Variants in RIMS2 observed in about 807,000 individuals in gnomAD.
RIMS2 encodes the protein regulating synaptic membrane exocytosis 2.
RIMS2 carries 59 observed loss-of-function variants against 174.4 expected under a neutral mutation model. The observed-to-expected ratio is 0.34, with a 90% CI of 0.27 to 0.42. The LOEUF (loss-of-function observed/expected upper bound fraction) is 0.42. Ranked by LOEUF, RIMS2 falls within the 10% of genes least tolerant of loss-of-function variation. RIMS2 has a pLI of 1.00. For synonymous variants in RIMS2, 606 were observed against 572.5 expected (o/e 1.06, Z -0.84); for missense variants, 1,620 against 1,666.3 (o/e 0.97, Z 0.48).
chr8:104,017,178 C>T (rs1256514684), intron 19 of RIMS2, among the ~76,000 whole-genome samples: 1 of 151,432 alleles, frequency 6.6e-6, no homozygotes, highest in Non-Finnish European at 1.5e-5. Context: ...TTTTAGAAAT[C>T]GCAACTTCAG....
At chr8:103,539,685 A>C (rs1388425259) in intron 1 of RIMS2, among the ~76,000 whole-genome samples, 1 of 152,194 alleles carries the variant, frequency 6.6e-6, no homozygotes, top group Non-Finnish European at 1.5e-5. Context: ...AGAGGGCTAC[A>C]CAGCTGTATA....
intron 3 of RIMS2, among the ~76,000 whole-genome samples, chr8:103,783,377 G>A (rs1329941722): frequency 5.4e-5 from 8 of 148,490 alleles, no homozygotes; most frequent in Admixed American, 2.0e-4. Flanking sequence ...CCACTAACTC[G>A]TCATCTAGCA....
chr8:103,520,189 T>G (rs1376451963), intron 1 of RIMS2, among the ~76,000 whole-genome samples: 1 of 152,140 alleles, frequency 6.6e-6, no homozygotes, highest in Non-Finnish European at 1.5e-5. Flanking sequence ...TGTGGTAAGA[T>G]GCAAATGTAA....
intron 3 of RIMS2, among the ~76,000 whole-genome samples, chr8:103,879,682 A>G (rs2099158129): frequency 6.6e-6 from 1 of 151,646 alleles, no homozygotes; most frequent in Admixed American, 6.6e-5. Context: ...GTACTACCAT[A>G]TATTCCTAGA....
At chr8:103,718,797 G>C (rs1436558359) in intron 2 of RIMS2, among the ~76,000 whole-genome samples, 2 of 151,826 alleles carry the variant, frequency 1.3e-5, no homozygotes, top group Non-Finnish European at 2.9e-5. Context: ...CCTCCCAAGT[G>C]GCTGGGATTA....
intron 9 of RIMS2, 158 bp downstream of exon 12, chr8:103,918,645 C>A: frequency 5.1e-6 from 3 of 593,552 alleles, no homozygotes; most frequent in Non-Finnish European, 9.1e-6. Context: ...TATTTCATGT[C>A]ACTGTGGGAA....
chr8:103,759,919 C>G (rs1325687823), intron 2 of RIMS2, among the ~76,000 whole-genome samples: 1 of 152,092 alleles, frequency 6.6e-6, no homozygotes, highest in African/African-American at 2.4e-5. Context: ...CACAGAACAC[C>G]TGAATACTTT....
intron 14 of RIMS2, among the ~76,000 whole-genome samples, chr8:103,944,828 G>A (rs753921660): frequency 2.0e-5 from 3 of 151,942 alleles, no homozygotes; most frequent in Non-Finnish European, 4.4e-5. Flanking sequence ...ATGTAAGCCT[G>A]AAGATAAGTA....
chr8:104,100,009 C>T (rs755199053), intron 19 of RIMS2, among the ~76,000 whole-genome samples: 13 of 151,828 alleles, frequency 8.6e-5, no homozygotes, highest in Non-Finnish European at 1.0e-4. Context: ...TTTGTAGCGA[C>T]GGGGTTTGGC....
rs1247511926 is a variant in RIMS2 at position 103,786,428 on chromosome 8, A to G, written c.698+19891A>G. 8.6e-5 allele frequency among the ~76,000 whole-genome samples: 13 copies of G among 151,540 alleles called. No individual in the cohort carries two copies. In the East Asian group the frequency reaches 2.3e-3, roughly 27 times the overall value. Reference sequence around the variant, plus strand: ...CATTTAGTGCTATAAATTTCCCTCTACACACTGCTTTGAATGCGTCCCAGA... The same window carrying G: ...CATTTAGTGCTATAAATTTCCCTCTGCACACTGCTTTGAATGCGTCCCAGA... On this transcript the variant is annotated intron_variant, in intron 3 of 23. Coordinates refer to ENST00000504942, the Ensembl canonical transcript of RIMS2.
chr8:103,559,385 G>T, intron 1 of RIMS2: 1 of 334,926 alleles, frequency 3.0e-6, no homozygotes. Context: ...GTCCACGGCT[G>T]CTTCACGGTG....
chr8:104,081,985 T>TTTCAGTGGTCA (rs1390296079), intron 19 of RIMS2, among the ~76,000 whole-genome samples: 9 of 152,046 alleles, frequency 5.9e-5, no homozygotes. Context: ...TTTTTTTCAA[T>TTTCAGTGGTCA]TTCAGTGGTC....
chr8:103,703,217 G>T (rs556023559), intron 2 of RIMS2, among the ~76,000 whole-genome samples: 1 of 151,382 alleles, frequency 6.6e-6, no homozygotes, highest in Non-Finnish European at 1.5e-5. Context: ...TCACACTTCC[G>T]TCATTGTTTT....
At position 104,065,681 on chromosome 8, in the gene RIMS2, T is replaced by G. The variant is rs536850182; in HGVS notation, c.3334+51066T>G. ...CCCAAGGGTTATTCTTCTAGGAGGA[T>G]TTGAAGTTATAAGGTAAAAGGATAT... On this transcript the variant is annotated intron_variant, in intron 19 of 23. Transcript: ENST00000504942. Among the ~76,000 whole-genome samples the G allele has an allele frequency of 3.9e-5, 6 of 152,222 alleles. No individual in the cohort carries two copies. In the South Asian group the frequency reaches 1.2e-3, roughly 32 times the overall value.
At chr8:103,863,887 G>A (rs2099071121) in intron 3 of RIMS2, among the ~76,000 whole-genome samples, 1 of 136,038 alleles carries the variant, frequency 7.4e-6, no homozygotes, top group African/African-American at 2.8e-5. Flanking sequence ...AAAGAACCAA[G>A]TTTTTTTTTT....
chr8:103,651,341 C>A (rs1325875371), intron 1 of RIMS2, among the ~76,000 whole-genome samples: 1 of 152,218 alleles, frequency 6.6e-6, no homozygotes, highest in Non-Finnish European at 1.5e-5. Flanking sequence ...AACTGACTTG[C>A]TCCTTTCATT....
At chr8:104,236,230 C>T (rs1588035836) in intron 19 of RIMS2, among the ~76,000 whole-genome samples, 1 of 152,002 alleles carries the variant, frequency 6.6e-6, no homozygotes, top group South Asian at 2.1e-4. Context: ...AGGCATGCTA[C>T]ATTTCATCAC....
chr8:103,696,641 C>T (rs553627021), intron 1 of RIMS2, among the ~76,000 whole-genome samples: 3 of 151,818 alleles, frequency 2.0e-5, no homozygotes, highest in South Asian at 2.1e-4. Context: ...CCGAGGCAGG[C>T]GAATCCCTTG....
At chr8:104,017,134 T>C (rs1160688150) in intron 19 of RIMS2, among the ~76,000 whole-genome samples, 1 of 151,940 alleles carries the variant, frequency 6.6e-6, no homozygotes, top group Admixed American at 6.5e-5. Context: ...TATGCAATTT[T>C]TTTTTTAGTT....
Sources: gnomAD v4.1 joint callset for allele counts (sites outside exome capture counted in the v4.1 genomes callset) on GRCh38, gnomAD v4.1.1 for gene constraint, MANE v1.5 for transcripts, NCBI Gene and HGNC (gene_info 2026-07-23, HGNC 2026-07-21) for gene names.